OLFM3: variants seen among roughly 807,000 people sequenced by gnomAD.
OLFM3 encodes the protein olfactomedin 3.
OLFM3 carries 20 observed loss-of-function variants against 48.6 expected under a neutral mutation model. That is an observed-to-expected ratio of 0.41 (90% CI 0.29 to 0.60). OLFM3 has a LOEUF of 0.60. OLFM3 is among the 20% of genes least tolerant of loss of function. The probability of loss-of-function intolerance (pLI) is 0.28; values close to 1 mark genes in which losing one functional copy is unlikely to be tolerated. For missense variants in OLFM3, 437 were observed against 544.3 expected (o/e 0.80, Z 1.96); for synonymous variants, 222 against 198.1 (o/e 1.12, Z -1.01).
chr1:101,911,970 C>T lies in OLFM3; in HGVS notation c.70-74945G>A, dbSNP rs141715523. On this transcript the variant is annotated intron_variant, in intron 1 of 5. Coordinates refer to ENST00000370103, the MANE Select transcript of OLFM3 (RefSeq NM_058170.4). ...TGCTTTGTTATTTTCATATGGAGTA[C>T]GTAAGTTATTAATATTAAAAATATC... 5.9e-3 allele frequency among the ~76,000 whole-genome samples: 900 copies of T among 152,100 alleles called. 7 individuals are homozygous for T. Among genetic ancestry groups the T allele is most frequent in the African/African-American group, 0.021 (878 of 41,476 alleles).
chr1:101,996,923 G>C lies in OLFM3; in HGVS notation c.-107C>G, dbSNP rs1297244685. 3.3e-6 allele frequency: 4 copies of C among 1,203,690 alleles called. No individual in the cohort carries two copies. The highest frequency in any genetic ancestry group is 2.5e-5 in the South Asian group (2 of 80,066). 74.6% of individuals were successfully genotyped at this position (1,203,690 alleles called of 1,614,324 possible). On this transcript the variant is annotated 5_prime_UTR_variant, in exon 1 of 6. Transcript: ENST00000370103. ...CACTTTCTGCCTGCCAGTCAGAGCC[G>C]AGTGGAAGCAGAGGCGGCGGCAGCA...
At chr1:101,932,638 A>G (rs1318532261) in intron 1 of OLFM3, among the ~76,000 whole-genome samples, 1 of 152,190 alleles carries the variant, frequency 6.6e-6, no homozygotes, top group Non-Finnish European at 1.5e-5. Context: ...AAAGCAAAAC[A>G]AAACAAAACA....
intron 1 of OLFM3, among the ~76,000 whole-genome samples, chr1:101,934,268 A>G (rs886850508): frequency 1.3e-5 from 2 of 152,212 alleles, no homozygotes; most frequent in Non-Finnish European, 2.9e-5. Flanking sequence ...GGGTGGAGAA[A>G]AATCTACAAA....
intron 1 of OLFM3, among the ~76,000 whole-genome samples, chr1:101,958,451 T>G (rs1469202675): frequency 6.6e-6 from 1 of 152,062 alleles, no homozygotes; most frequent in African/African-American, 2.4e-5. Context: ...TTCATATAAT[T>G]TATTAGTGTT....
intron 1 of OLFM3, among the ~76,000 whole-genome samples, chr1:101,884,154 C>G (rs1657649390): frequency 2.0e-5 from 3 of 151,924 alleles, no homozygotes. Context: ...TCCCAACATC[C>G]TCTCTATTTT....
chr1:101,919,183 T>A (rs1415432620), intron 1 of OLFM3, among the ~76,000 whole-genome samples: 1 of 152,136 alleles, frequency 6.6e-6, no homozygotes, highest in Non-Finnish European at 1.5e-5. Flanking sequence ...AATACTAGTT[T>A]TGAAAAAAAT....
At chr1:101,966,141 T>A (rs1278055514) in intron 1 of OLFM3, among the ~76,000 whole-genome samples, 1 of 152,124 alleles carries the variant, frequency 6.6e-6, no homozygotes. Context: ...AACCTTCTCA[T>A]ATGTTTTTTA....
At chr1:101,823,442 G>A (rs1205383653) in intron 4 of OLFM3, among the ~76,000 whole-genome samples, 1 of 151,914 alleles carries the variant, frequency 6.6e-6, no homozygotes, top group African/African-American at 2.4e-5. Flanking sequence ...GAGTGTTTCA[G>A]GAGCAGGAAC....
chr1:101,830,190 C>G (rs1655080922), intron 3 of OLFM3, among the ~76,000 whole-genome samples: 1 of 152,108 alleles, frequency 6.6e-6, no homozygotes, highest in Admixed American at 6.6e-5. Flanking sequence ...CAAAAGTTGA[C>G]ATAGCATGAT....
At chr1:101,986,066 C>A (rs558528756) in intron 1 of OLFM3, among the ~76,000 whole-genome samples, 17 of 151,348 alleles carry the variant, frequency 1.1e-4, no homozygotes, top group African/African-American at 3.6e-4. Flanking sequence ...CCCGGGTTCA[C>A]GCCATTCTCC....
At chr1:101,921,254 C>G (rs150230706) in intron 1 of OLFM3, among the ~76,000 whole-genome samples, 10 of 150,666 alleles carry the variant, frequency 6.6e-5, no homozygotes, top group Non-Finnish European at 1.5e-4. Context: ...TCTTTCCAAC[C>G]TCTTATAAGG....
chr1:101,943,726 T>C (rs1451512373), intron 1 of OLFM3, among the ~76,000 whole-genome samples: 16 of 152,198 alleles, frequency 1.1e-4, no homozygotes, highest in Admixed American at 1.0e-3. Context: ...TGTATAGATG[T>C]ATGTATCTAT....
intron 1 of OLFM3, among the ~76,000 whole-genome samples, chr1:101,973,110 T>C (rs1348597226): frequency 2.0e-5 from 3 of 152,374 alleles, no homozygotes; most frequent in African/African-American, 7.2e-5. Context: ...CCAATAGGTA[T>C]ATATAGATAT....
chr1:101,931,318 C>A (rs1659438681), intron 1 of OLFM3, among the ~76,000 whole-genome samples: 1 of 152,174 alleles, frequency 6.6e-6, no homozygotes, highest in Non-Finnish European at 1.5e-5. Context: ...GGGGAGAAAT[C>A]TATCTTGTAC....
At chr1:101,893,161 TA>T in intron 1 of OLFM3, 1 of 259,336 alleles carries the variant, frequency 3.9e-6, no homozygotes, top group Non-Finnish European at 7.5e-6. Context: ...CAGCTCTCAG[TA>T]ACCTTAGAAG....
At chr1:101,980,750 T>A (rs1661085784) in intron 1 of OLFM3, among the ~76,000 whole-genome samples, 1 of 152,164 alleles carries the variant, frequency 6.6e-6, no homozygotes, top group African/African-American at 2.4e-5. Context: ...CCACTTTCTA[T>A]TATAATTTGT....
intron 1 of OLFM3, among the ~76,000 whole-genome samples, chr1:101,964,021 G>A (rs1388687512): frequency 6.6e-6 from 1 of 152,146 alleles, no homozygotes; most frequent in East Asian, 1.9e-4. Flanking sequence ...AAATAGTAGT[G>A]AAAATAAACT....
chr1:101,950,279 T>C (rs1660097398), intron 1 of OLFM3, among the ~76,000 whole-genome samples: 1 of 152,186 alleles, frequency 6.6e-6, no homozygotes, highest in South Asian at 2.1e-4. Flanking sequence ...CCTCTTGCTT[T>C]CTTCACATTT....
At chr1:101,911,763 C>T (rs1464525318) in intron 1 of OLFM3, among the ~76,000 whole-genome samples, 1 of 152,144 alleles carries the variant, frequency 6.6e-6, no homozygotes, top group Non-Finnish European at 1.5e-5. Flanking sequence ...TACCACCAAA[C>T]CACCAGTTTG....
Sources: gnomAD v4.1 joint callset for allele counts (sites outside exome capture counted in the v4.1 genomes callset) on GRCh38, gnomAD v4.1.1 for gene constraint, MANE v1.5 for transcripts, NCBI Gene and HGNC (gene_info 2026-07-23, HGNC 2026-07-21) for gene names.